Variants in B4GALT6 observed in about 807,000 individuals in gnomAD.
B4GALT6 encodes the protein beta-1,4-galactosyltransferase 6.
A neutral mutation model predicts 46.3 loss-of-function variants in B4GALT6; 14 were observed. The observed-to-expected ratio is 0.30, with a 90% confidence interval of 0.20 to 0.47. The LOEUF (loss-of-function observed/expected upper bound fraction) is 0.47, where lower values mean the gene tolerates loss of function less well. Ranked by LOEUF, B4GALT6 falls within the 20% of genes least tolerant of loss-of-function variation. B4GALT6 has a pLI of 0.99. For synonymous variants in B4GALT6, 168 were observed against 162.0 expected, an observed-to-expected ratio of 1.04 and a Z score of -0.28; for missense variants, 386 against 480.1, an observed-to-expected ratio of 0.80 and a Z score of 1.83.
the B4GALT6 span, among the ~76,000 whole-genome samples, chr18:31,703,416 C>T: frequency 6.6e-6 from 1 of 152,158 alleles, no homozygotes; most frequent in Admixed American, 6.5e-5. Context: ...ACCACATCTA[C>T]TGCCTTGTTT....
At chr18:31,654,043 C>T (rs917881869) in intron 3 of B4GALT6, among the ~76,000 whole-genome samples, 1 of 152,084 alleles carries the variant, frequency 6.6e-6, no homozygotes, top group South Asian at 2.1e-4. Context: ...TTATTTAAAT[C>T]CATCTCAAGA....
intron 3 of B4GALT6, among the ~76,000 whole-genome samples, chr18:31,653,511 C>T (rs1192409239): frequency 1.5e-5 from 2 of 136,816 alleles, no homozygotes; most frequent in African/African-American, 2.8e-5. Context: ...GGTGCGATCT[C>T]GGCTCACTGC....
At chr18:31,637,327 T>C (rs1484030691) in intron 5 of B4GALT6, among the ~76,000 whole-genome samples, 5 of 152,024 alleles carry the variant, frequency 3.3e-5, no homozygotes, top group Admixed American at 6.6e-5. Flanking sequence ...AAAAGAATCA[T>C]AGAATCTCAA....
the B4GALT6 span, among the ~76,000 whole-genome samples, chr18:31,711,165 C>T: frequency 2.0e-5 from 3 of 152,200 alleles, no homozygotes; most frequent in East Asian, 1.9e-4. Context: ...TGGCATGTCA[C>T]GAGCAGTGGT....
the B4GALT6 span, among the ~76,000 whole-genome samples, chr18:31,715,262 G>A: frequency 1.3e-5 from 2 of 152,120 alleles, no homozygotes; most frequent in African/African-American, 4.8e-5. Flanking sequence ...GTCTCACTCT[G>A]TCACCCAGGC....
chr18:31,700,468 T>TGTGTGTGTGTGTGTGTGTGA, the B4GALT6 span, among the ~76,000 whole-genome samples: 2 of 148,394 alleles, frequency 1.3e-5, no homozygotes, highest in African/African-American at 5.1e-5. Flanking sequence ...TGTGTGTGTG[T>TGTGTGTGTGTGTGTGTGTGA]GAGAGAGAGA....
At chr18:31,628,632 C>CT (rs768593078) in intron 6 of B4GALT6, among the ~76,000 whole-genome samples, 12 of 152,336 alleles carry the variant, frequency 7.9e-5, no homozygotes, top group Non-Finnish European at 1.6e-4. Context: ...ACCTGAGAGT[C>CT]TGAGTTCTCT....
At chr18:31,644,974 T>C (rs1180819087) in intron 4 of B4GALT6, among the ~76,000 whole-genome samples, 2 of 152,214 alleles carry the variant, frequency 1.3e-5, no homozygotes, top group Non-Finnish European at 2.9e-5. Context: ...ATTCAGAAAC[T>C]GGTGAGGCTA....
At chr18:31,716,485 C>T in the B4GALT6 span, among the ~76,000 whole-genome samples, 1 of 152,192 alleles carries the variant, frequency 6.6e-6, no homozygotes, top group Admixed American at 6.5e-5. Flanking sequence ...CTTACAGTAA[C>T]GTAATGAGTA....
At chr18:31,672,907 G>T (rs1031439127) in intron 1 of B4GALT6, among the ~76,000 whole-genome samples, 2 of 152,158 alleles carry the variant, frequency 1.3e-5, no homozygotes, top group Non-Finnish European at 2.9e-5. Flanking sequence ...CTTTAAGACA[G>T]CAGCTTCAGG....
the B4GALT6 span, among the ~76,000 whole-genome samples, chr18:31,718,172 T>C: frequency 1.4e-4 from 22 of 152,222 alleles, no homozygotes; most frequent in Admixed American, 8.5e-4. Context: ...GGTCTAAATT[T>C]GTGTTTCTCA....
At chr18:31,634,356 T>A (rs1314599734) in intron 5 of B4GALT6, among the ~76,000 whole-genome samples, 5 of 152,250 alleles carry the variant, frequency 3.3e-5, no homozygotes, top group African/African-American at 1.2e-4. Context: ...GTGGCTGTTT[T>A]GTAGTCAAAC....
At chr18:31,686,290 G>T (rs1034232054), upstream of B4GALT6, 1 of 152,110 alleles carries the variant, frequency 6.6e-6, no homozygotes, top group Non-Finnish European at 1.5e-5. Flanking sequence ...GCCATAGATC[G>T]TCCCTGAGAT....
At chr18:31,637,649 C>T (rs2073876412) in intron 5 of B4GALT6, among the ~76,000 whole-genome samples, 1 of 152,122 alleles carries the variant, frequency 6.6e-6, no homozygotes, top group African/African-American at 2.4e-5. Flanking sequence ...CAGGGATAGC[C>T]AGCAACTACC....
At chr18:31,678,712 C>CT (rs1394719630) in intron 1 of B4GALT6, among the ~76,000 whole-genome samples, 3 of 152,184 alleles carry the variant, frequency 2.0e-5, no homozygotes, top group African/African-American at 7.2e-5. Flanking sequence ...ATATGGACAA[C>CT]GCGGTGGGCT....
the B4GALT6 span, among the ~76,000 whole-genome samples, chr18:31,691,954 A>G: frequency 6.6e-6 from 1 of 152,232 alleles, no homozygotes; most frequent in Admixed American, 6.5e-5. Flanking sequence ...TCAGCAAAGT[A>G]TTAATAATAC....
chr18:31,636,312 A>C (rs762736671), intron 5 of B4GALT6, among the ~76,000 whole-genome samples: 9 of 152,230 alleles, frequency 5.9e-5, no homozygotes, highest in Non-Finnish European at 1.3e-4. Context: ...CTTTTCAAAA[A>C]ACAGTCAAAA....
At chr18:31,716,050 C>A in the B4GALT6 span, among the ~76,000 whole-genome samples, 1 of 152,220 alleles carries the variant, frequency 6.6e-6, no homozygotes, top group African/African-American at 2.4e-5. Context: ...AATGGCATAC[C>A]TAGGACCCAA....
At chr18:31,724,388 TG>T in the B4GALT6 span, 1 of 1,104,394 alleles carries the variant, frequency 9.1e-7, no homozygotes, top group Non-Finnish European at 1.1e-6. Flanking sequence ...TCTGACTCCC[TG>T]GGGCCAACTT....
Sources: allele counts gnomAD v4.1 joint callset (sites outside exome capture counted in the v4.1 genomes callset), GRCh38; gene constraint gnomAD v4.1.1; transcripts MANE v1.5; gene names NCBI Gene and HGNC (gene_info 2026-07-23, HGNC 2026-07-21).